The following ITPR2 variants were observed in gnomAD, a reference collection of about 807,000 sequenced individuals.
ITPR2 encodes the protein inositol 1,4,5-trisphosphate-gated calcium channel ITPR2.
Under a neutral mutation model 317.1 loss-of-function variants are expected in ITPR2, and 207 were observed. That is an observed-to-expected ratio of 0.65 (90% CI 0.58 to 0.73). The LOEUF is 0.73. ITPR2 is among the 30% of genes least tolerant of loss of function. ITPR2 has a pLI of 0.00. For missense variants in ITPR2, 2,613 were observed against 3,284.0 expected, an observed-to-expected ratio of 0.80 and a Z score of 4.99; for synonymous variants, 1,156 against 1,149.1, an observed-to-expected ratio of 1.01 and a Z score of -0.12.
At chr12:26,689,437 A>G (rs1257743817) in intron 10 of ITPR2, among the ~76,000 whole-genome samples, 2 of 152,046 alleles carry the variant, frequency 1.3e-5, no homozygotes, top group Admixed American at 1.3e-4. Flanking sequence ...GGAGAAAAGA[A>G]AAAAGAAAAA....
At chr12:26,706,490 T>C (rs1948554915) in intron 9 of ITPR2, among the ~76,000 whole-genome samples, 2 of 152,108 alleles carry the variant, frequency 1.3e-5, no homozygotes, top group Non-Finnish European at 2.9e-5. Context: ...CACACCTCCT[T>C]CCTTGTGTAC....
At position 26,439,302 on chromosome 12, in the gene ITPR2, C is replaced by A; in HGVS notation, c.6468G>T (p.Arg2156Ser). ...CAGGAAAAACTATTTGTTCCATGGT[C>A]CTATCATGCCGGACAATCTGAAAAC... The part of the protein sequence containing the change: ...TAQIEIVRHD[R>S]TMEQIVFPVP... The change falls in exon 47 of 57, where the codon AGG becomes AGT. Residue 2156 changes from arginine to serine, a missense_variant. Coordinates refer to ENST00000381340, the MANE Select transcript of ITPR2 (RefSeq NM_002223.4). The A allele has an allele frequency of 6.2e-7, 1 of 1,604,466 alleles. No homozygotes were observed. Among genetic ancestry groups the A allele is most frequent in the South Asian group, 1.1e-5 (1 of 88,948 alleles).
intron 52 of ITPR2, 101 bp downstream of exon 52, chr12:26,411,219 T>C (rs1033240461): frequency 1.4e-6 from 1 of 735,538 alleles, no homozygotes; most frequent in Non-Finnish European, 2.3e-6. Flanking sequence ...TTTCAATCCA[T>C]CATGAAATTT....
intron 10 of ITPR2, among the ~76,000 whole-genome samples, chr12:26,687,135 C>G (rs1408220225): frequency 6.6e-6 from 1 of 152,128 alleles, no homozygotes; most frequent in East Asian, 1.9e-4. Flanking sequence ...CAAGAACATA[C>G]TATAATTGCA....
chr12:26,756,352 T>A (rs1316913829), intron 2 of ITPR2, among the ~76,000 whole-genome samples: 1 of 152,210 alleles, frequency 6.6e-6, no homozygotes, highest in Non-Finnish European at 1.5e-5. Context: ...AAAATCTGGA[T>A]CAGTATTCTA....
At chr12:26,384,544 G>A (rs1939611170) in intron 55 of ITPR2, among the ~76,000 whole-genome samples, 1 of 152,172 alleles carries the variant, frequency 6.6e-6, no homozygotes, top group Non-Finnish European at 1.5e-5. Context: ...AGGCTGGGGA[G>A]AAACATGGAT....
At chr12:26,738,216 T>A (rs1450224491) in intron 2 of ITPR2, among the ~76,000 whole-genome samples, 2 of 152,192 alleles carry the variant, frequency 1.3e-5, no homozygotes, top group East Asian at 1.9e-4. Context: ...GTCACAGAGG[T>A]AGGATTCAAA....
intron 10 of ITPR2, among the ~76,000 whole-genome samples, chr12:26,695,281 T>C (rs985418216): frequency 6.6e-6 from 1 of 152,180 alleles, no homozygotes; most frequent in Non-Finnish European, 1.5e-5. Context: ...AAAGAAGCCA[T>C]GTTGTCACCA....
intron 21 of ITPR2, among the ~76,000 whole-genome samples, chr12:26,634,116 A>G (rs1946812195): frequency 6.6e-6 from 1 of 152,366 alleles, no homozygotes; most frequent in South Asian, 2.1e-4. Context: ...CGTGGTCGCC[A>G]CAAACCTCAC....
intron 2 of ITPR2, among the ~76,000 whole-genome samples, chr12:26,777,295 T>A (rs1277111425): frequency 1.3e-5 from 2 of 151,812 alleles, no homozygotes; most frequent in African/African-American, 4.8e-5. Context: ...GCTGGGAGGG[T>A]CCAGAAGATC....
At chr12:26,411,870 G>A (rs571635118) in intron 51 of ITPR2, among the ~76,000 whole-genome samples, 45 of 152,208 alleles carry the variant, frequency 3.0e-4, no homozygotes, top group Non-Finnish European at 6.3e-4. Context: ...AGGGAACTAA[G>A]GGCATCATAT....
chr12:26,494,771 GAA>G (rs71069245), intron 38 of ITPR2, among the ~76,000 whole-genome samples: 8 of 50,352 alleles, frequency 1.6e-4, no homozygotes, highest in South Asian at 1.4e-3. Context: ...CTCTGCCTCA[GAA>G]AAAAAAAAAA....
chr12:26,383,556 T>A (rs1455097846), intron 55 of ITPR2, among the ~76,000 whole-genome samples: 2 of 152,058 alleles, frequency 1.3e-5, no homozygotes, highest in African/African-American at 2.4e-5. Flanking sequence ...TGATCTCGGC[T>A]TACTACAAGC....
At chr12:26,692,131 T>C (rs531140150) in intron 10 of ITPR2, among the ~76,000 whole-genome samples, 64 of 152,078 alleles carry the variant, frequency 4.2e-4, no homozygotes, top group African/African-American at 1.5e-3. Flanking sequence ...CCCCGCCAAA[T>C]TCTATGGACA....
intron 10 of ITPR2, among the ~76,000 whole-genome samples, chr12:26,691,984 T>A (rs141759380): frequency 6.6e-6 from 1 of 152,124 alleles, no homozygotes; most frequent in Admixed American, 6.6e-5. Context: ...TCCAATTAAT[T>A]TCTGATAGAA....
chr12:26,441,012 A>G (rs1041417159), intron 46 of ITPR2, among the ~76,000 whole-genome samples: 6 of 152,214 alleles, frequency 3.9e-5, no homozygotes, highest in Admixed American at 1.3e-4. Context: ...GAAAAAAACA[A>G]CATGAACCCC....
At chr12:26,401,229 TA>T (rs879594118) in intron 52 of ITPR2, among the ~76,000 whole-genome samples, 170 of 144,734 alleles carry the variant, frequency 1.2e-3, no homozygotes, top group East Asian at 2.0e-3. Flanking sequence ...ACTCTGTCTT[TA>T]AAAAAAAAAA....
intron 26 of ITPR2, among the ~76,000 whole-genome samples, chr12:26,617,075 T>C (rs1286779334): frequency 6.6e-6 from 1 of 152,310 alleles, no homozygotes; most frequent in East Asian, 1.9e-4. Flanking sequence ...TACTTAAGTT[T>C]TGAGGGAGTC....
chr12:26,437,263 G>A (rs1941376607), intron 47 of ITPR2, among the ~76,000 whole-genome samples: 1 of 152,158 alleles, frequency 6.6e-6, no homozygotes, highest in South Asian at 2.1e-4. Context: ...AGTTAATCAA[G>A]GGGGAAAGGC....
Sources: allele counts gnomAD v4.1 joint callset (sites outside exome capture counted in the v4.1 genomes callset), GRCh38; gene constraint gnomAD v4.1.1; transcripts MANE v1.5; gene names NCBI Gene and HGNC (gene_info 2026-07-23, HGNC 2026-07-21).